Variants in FAAH2 observed in about 807,000 individuals in gnomAD.
FAAH2 encodes fatty-acid amide hydrolase 2.
In FAAH2, 60 loss-of-function variants were observed where a neutral mutation model predicts 36.9. That is an observed-to-expected ratio of 1.63 (90% CI 1.32 to 2.02). The LOEUF (loss-of-function observed/expected upper bound fraction) is 2.02, where lower values mean the gene tolerates loss of function less well. Among genes scored for constraint, FAAH2 ranks in the 30% most tolerant of loss-of-function variants. The probability of loss-of-function intolerance (pLI) is 0.00; values close to 1 mark genes in which losing one functional copy is unlikely to be tolerated. For synonymous variants in FAAH2, 214 were observed against 143.8 expected (o/e 1.49, Z -3.49); for missense variants, 689 against 397.5 (o/e 1.73, Z -6.23).
chrX:57,447,056 C>T lies in FAAH2; in HGVS notation c.1228+17C>T, dbSNP rs143677321. On this transcript the variant is annotated intron_variant, in intron 9 of 10. Transcript: ENST00000374900. ...CTTCCATTGGTATGTAAATCATATTCTACCTAGACCAGTTTGATGTCCTGT... is the reference window on the plus strand; with the variant it reads ...CTTCCATTGGTATGTAAATCATATTTTACCTAGACCAGTTTGATGTCCTGT... 0.017 allele frequency: 18,505 copies of T among 1,075,198 alleles called. 128 individuals carry two copies. Among genetic ancestry groups the T allele is most frequent in the Non-Finnish European group, 0.021 (16,847 of 792,886 alleles). 88.6% of individuals were successfully genotyped at this position (1,075,198 alleles called of 1,213,427 possible). A position where few individuals can be genotyped will look rare whatever the true frequency, so the allele number is the denominator to read the frequency against.
the FAAH2 span, among the ~76,000 whole-genome samples, chrX:57,169,307 T>A: frequency 9.7e-6 from 1 of 103,562 alleles, no homozygotes; most frequent in Non-Finnish European, 2.0e-5. Flanking sequence ...TAGTTCATAT[T>A]GCTGTCATCA....
chrX:57,459,699 C>T (rs1324183589), intron 10 of FAAH2, among the ~76,000 whole-genome samples: 4 of 112,174 alleles, frequency 3.6e-5, no homozygotes, highest in African/African-American at 1.3e-4. Flanking sequence ...GATACCCAGA[C>T]AAATAGGTTC....
At chrX:57,390,612 G>T (rs2055142706) in intron 7 of FAAH2, among the ~76,000 whole-genome samples, 2 of 111,269 alleles carry the variant, frequency 1.8e-5, no homozygotes, top group Non-Finnish European at 3.8e-5. Context: ...GTTTAACTTA[G>T]GATAATGGCC....
At chrX:57,181,015 C>A in the FAAH2 span, among the ~76,000 whole-genome samples, 3 of 111,716 alleles carry the variant, frequency 2.7e-5, no homozygotes, top group East Asian at 2.8e-4. Context: ...ATAAACAGAA[C>A]TAAAGACAAA....
intron 7 of FAAH2, chrX:57,393,474 G>A: frequency 1.1e-6 from 1 of 926,709 alleles, no homozygotes; most frequent in Admixed American, 2.2e-5. Context: ...GGGCCAACAA[G>A]CTAGAGTGTG....
chrX:57,349,985 A>G (rs769846254), intron 5 of FAAH2, among the ~76,000 whole-genome samples: 1 of 110,847 alleles, frequency 9.0e-6, no homozygotes, highest in African/African-American at 3.3e-5. Flanking sequence ...AGTGTGAACA[A>G]TGATTTTTAA....
At chrX:57,378,913 G>A (rs1480406013) in intron 6 of FAAH2, 127 bp downstream of exon 6, 1 of 769,754 alleles carries the variant, frequency 1.3e-6, no homozygotes, top group Non-Finnish European at 1.9e-6. Context: ...TTATGAGAGA[G>A]CCTTTATATA....
At chrX:57,384,939 A>T (rs1469118199) in intron 7 of FAAH2, among the ~76,000 whole-genome samples, 1 of 111,928 alleles carries the variant, frequency 8.9e-6, no homozygotes, top group African/African-American at 3.2e-5. Context: ...ACCATGGAAT[A>T]CTATGCAGCC....
the FAAH2 span, among the ~76,000 whole-genome samples, chrX:57,280,118 A>G: frequency 8.9e-6 from 1 of 112,142 alleles, no homozygotes; most frequent in South Asian, 3.7e-4. Flanking sequence ...GTGTATATGT[A>G]TATCTCATAT....
In FAAH2 at chrX:57,337,143, G is replaced by A. The variant is rs190899953; in HGVS notation, c.623-4128G>A. ...TGTATGGACAAAACTAGAAAATTTA[G>A]AAGAAATGGAAAAAAATTCCTGGAG... On this transcript the variant is annotated intron_variant, in intron 4 of 10. Transcript: ENST00000374900. Among the ~76,000 whole-genome samples, 31 of 108,463 alleles carry A rather than the reference G, an allele frequency of 2.9e-4. No homozygotes were observed. The Admixed American group carries it at 3.0e-3, about 10-fold the overall frequency. The allele number at this position is 108,463 out of a possible 115,157, so 94.2% of individuals were successfully genotyped here.
At chrX:57,254,513 C>A in the FAAH2 span, among the ~76,000 whole-genome samples, 16 of 111,788 alleles carry the variant, frequency 1.4e-4, no homozygotes, top group Admixed American at 1.3e-3. Context: ...AAATTGACCA[C>A]ATAGTTGGAA....
chrX:57,256,771 G>A, the FAAH2 span, among the ~76,000 whole-genome samples: 4 of 111,799 alleles, frequency 3.6e-5, no homozygotes, highest in Non-Finnish European at 7.5e-5. Context: ...CTACAGAATG[G>A]GAGAAAATTT....
chrX:57,186,746 G>A, the FAAH2 span, among the ~76,000 whole-genome samples: 9 of 112,011 alleles, frequency 8.0e-5, no homozygotes, highest in Admixed American at 6.6e-4. Context: ...TGTATAAGGT[G>A]TAAGAAAGGA....
At chrX:57,296,166 C>A (rs1186426398) in intron 2 of FAAH2, among the ~76,000 whole-genome samples, 55 of 112,283 alleles carry the variant, frequency 4.9e-4, no homozygotes, top group Non-Finnish European at 2.8e-4. Flanking sequence ...CAAGTGGGTC[C>A]CTGACCCCCG....
At chrX:57,414,776 G>T (rs1316498299) in intron 7 of FAAH2, among the ~76,000 whole-genome samples, 1 of 108,306 alleles carries the variant, frequency 9.2e-6, no homozygotes, top group Non-Finnish European at 1.9e-5. Context: ...GTTTGGAAGA[G>T]TTACAGAAGA....
the FAAH2 span, among the ~76,000 whole-genome samples, chrX:57,255,345 G>T: frequency 1.8e-5 from 2 of 111,973 alleles, no homozygotes; most frequent in Non-Finnish European, 3.8e-5. Flanking sequence ...TCTACCAGAA[G>T]TCCAAAGAGG....
chrX:57,214,630 T>C, the FAAH2 span, among the ~76,000 whole-genome samples: 1 of 111,251 alleles, frequency 9.0e-6, no homozygotes, highest in Non-Finnish European at 1.9e-5. Flanking sequence ...GATTTCGCCA[T>C]GTTAGCCAGG....
chrX:57,340,680 C>A (rs1029147754), intron 4 of FAAH2, among the ~76,000 whole-genome samples: 2 of 111,593 alleles, frequency 1.8e-5, no homozygotes, highest in African/African-American at 6.5e-5. Flanking sequence ...TCTCAGTAAA[C>A]GAATGCAGGG....
the FAAH2 span, among the ~76,000 whole-genome samples, chrX:57,214,733 T>C: frequency 8.9e-6 from 1 of 111,881 alleles, no homozygotes; most frequent in Non-Finnish European, 1.9e-5. Context: ...ATCCCTATTA[T>C]GACTTTACAT....
Sources: allele counts gnomAD v4.1 joint callset (sites outside exome capture counted in the v4.1 genomes callset), GRCh38; gene constraint gnomAD v4.1.1; transcripts MANE v1.5; gene names NCBI Gene and HGNC (gene_info 2026-07-23, HGNC 2026-07-21).